Variants in SPOCK1 observed in about 807,000 individuals in gnomAD.
SPOCK1 encodes testican-1.
Under a neutral mutation model 55.3 loss-of-function variants are expected in SPOCK1, and 23 were observed. The ratio of observed to expected loss-of-function variants is 0.42; its 90% CI spans 0.30 to 0.59. The LOEUF (loss-of-function observed/expected upper bound fraction) is 0.59, where lower values mean the gene tolerates loss of function less well. SPOCK1 is among the 20% of genes least tolerant of loss of function. The pLI is 0.22. For missense variants in SPOCK1, 499 were observed against 552.5 expected, an observed-to-expected ratio of 0.90 and a Z score of 0.97; for synonymous variants, 226 against 221.0, an observed-to-expected ratio of 1.02 and a Z score of -0.20.
chr5:137,221,534 T>C (rs1258447434), intron 3 of SPOCK1, among the ~76,000 whole-genome samples: 1 of 152,142 alleles, frequency 6.6e-6, no homozygotes, highest in Non-Finnish European at 1.5e-5. Context: ...AAATTCCTAA[T>C]AACCGAGACC....
chr5:137,305,112 T>C lies in SPOCK1; in HGVS notation c.187-38057A>G, dbSNP rs141236718. Among the ~76,000 whole-genome samples, 4 of 152,344 alleles carry C rather than the reference T, an allele frequency of 2.6e-5. No homozygotes were observed. In the East Asian group the frequency reaches 7.7e-4, roughly 29 times the overall value. The stretch of plus-strand genomic sequence containing the variant: ...AATTACACTCATCATTCCAATTTTA[T>C]TAACCACCCTCGAATTTGCTGTAGC... On this transcript the variant is annotated intron_variant, in intron 2 of 10. Coordinates refer to ENST00000394945, the MANE Select transcript of SPOCK1 (RefSeq NM_004598.4).
chr5:137,149,235 T>C (rs796178762), intron 3 of SPOCK1, among the ~76,000 whole-genome samples: 2 of 152,280 alleles, frequency 1.3e-5, no homozygotes, highest in African/African-American at 4.8e-5. Flanking sequence ...GGGAGATGCA[T>C]GAAGCCCAGC....
rs530690673 is a variant in SPOCK1 at position 137,484,651 on chromosome 5, T to C, written c.186+13722A>G. ...CAACAAACATCAATGCCCTTTAAAA[T>C]ACATGTGCTGGCACACCAAGCATTG... On this transcript the variant is annotated intron_variant, in intron 2 of 10. Coordinates refer to ENST00000394945, the MANE Select transcript of SPOCK1 (RefSeq NM_004598.4). Among the ~76,000 whole-genome samples, 5 of 152,254 alleles carry C rather than the reference T, an allele frequency of 3.3e-5. No homozygotes were observed. In the South Asian group the frequency reaches 8.3e-4, roughly 25 times the overall value.
chr5:137,258,691 C>T (rs1365564280), intron 3 of SPOCK1, among the ~76,000 whole-genome samples: 1 of 152,128 alleles, frequency 6.6e-6, no homozygotes, highest in East Asian at 1.9e-4. Flanking sequence ...TCCTTTTATA[C>T]AACTAACACC....
rs550467843 is a variant in SPOCK1 at position 137,419,476 on chromosome 5, A to T, written c.186+78897T>A. 4.6e-5 allele frequency among the ~76,000 whole-genome samples: 7 copies of T among 152,116 alleles called. No homozygotes were observed. The East Asian group carries it at 1.2e-3, about 25-fold the overall frequency. ...TTTGCTTGTATCCTCTTTTATTTCA[A>T]TGAGCAGTGGTTTGTAGTTCTCCTT... On this transcript the variant is annotated intron_variant, in intron 2 of 10. Coordinates refer to ENST00000394945, the MANE Select transcript of SPOCK1 (RefSeq NM_004598.4).
intron 2 of SPOCK1, among the ~76,000 whole-genome samples, chr5:137,416,421 AT>A (rs1752329202): frequency 6.6e-6 from 1 of 152,178 alleles, no homozygotes; most frequent in African/African-American, 2.4e-5. Context: ...CATTAGTTAT[AT>A]ATATTAGCTG....
intron 3 of SPOCK1, among the ~76,000 whole-genome samples, chr5:137,214,727 T>C (rs537790088): frequency 2.0e-5 from 3 of 152,246 alleles, no homozygotes; most frequent in East Asian, 1.9e-4. Context: ...GAGCAAGAGA[T>C]AGTGGGGCCT....
Position 137,382,809 on chromosome 5 carries a change from G to A in SPOCK1, c.186+115564C>T, listed in dbSNP as rs572105209. Among the ~76,000 whole-genome samples the A allele has an allele frequency of 9.8e-5, 15 of 152,286 alleles. No individual in the cohort carries two copies. The South Asian group carries it at 2.9e-3, about 29-fold the overall frequency. ...AAATCCAAAACATATCACATGCCCA[G>A]GAGGACAGAGCATACAACATTACCC... is the stretch of plus-strand genomic sequence containing the variant. On this transcript the variant is annotated intron_variant, in intron 2 of 10. Transcript: ENST00000394945.
At chr5:137,309,071 G>T (rs13436758) in intron 2 of SPOCK1, among the ~76,000 whole-genome samples, 34,151 of 152,104 alleles carry the variant, frequency 0.22, 4,011 homozygotes, top group African/African-American at 0.29. Context: ...TCTGTAATGA[G>T]TAGGAATTGC....
rs960918046 is a variant in SPOCK1, at chr5:137,040,952, G to A, written c.589+26763C>T. 2.0e-5 allele frequency among the ~76,000 whole-genome samples: 3 copies of A among 152,156 alleles called. No individual in the cohort carries two copies. In the East Asian group the frequency reaches 5.8e-4, roughly 29 times the overall value. ...CTGTGTACTTGGCCAGCACTAGATT[G>A]CCCAGACAATGTACATGTATCAGGC... On this transcript the variant is annotated intron_variant, in intron 6 of 10. Coordinates refer to ENST00000394945, the MANE Select transcript of SPOCK1 (RefSeq NM_004598.4).
At chr5:136,984,916 C>A (rs906659454) in intron 9 of SPOCK1, among the ~76,000 whole-genome samples, 2 of 152,144 alleles carry the variant, frequency 1.3e-5, no homozygotes, top group African/African-American at 4.8e-5. Flanking sequence ...GGACTTCGGC[C>A]CTGGCTGACC....
At chr5:137,421,910 T>G (rs1752506996) in intron 2 of SPOCK1, among the ~76,000 whole-genome samples, 1 of 152,260 alleles carries the variant, frequency 6.6e-6, no homozygotes, top group African/African-American at 2.4e-5. Flanking sequence ...CTTTACAATT[T>G]GGCATGTTTT....
At chr5:137,100,878 A>AGG (rs1561609297) in intron 5 of SPOCK1, among the ~76,000 whole-genome samples, 3 of 150,638 alleles carry the variant, frequency 2.0e-5, no homozygotes, top group Non-Finnish European at 4.4e-5. Context: ...GAAAGGGGAA[A>AGG]AAAAAAAAAA....
intron 3 of SPOCK1, among the ~76,000 whole-genome samples, chr5:137,230,661 A>G (rs1358718020): frequency 6.6e-6 from 1 of 152,214 alleles, no homozygotes; most frequent in African/African-American, 2.4e-5. Context: ...TGAAAATATT[A>G]TAATAGGACC....
intron 4 of SPOCK1, among the ~76,000 whole-genome samples, chr5:137,112,791 G>A (rs1196780348): frequency 6.7e-6 from 1 of 148,956 alleles, no homozygotes; most frequent in Non-Finnish European, 1.5e-5. Flanking sequence ...GGAAAACAAT[G>A]TAGCCATTGA....
At chr5:137,140,251 G>C (rs1211267259) in intron 4 of SPOCK1, among the ~76,000 whole-genome samples, 1 of 152,158 alleles carries the variant, frequency 6.6e-6, no homozygotes, top group Non-Finnish European at 1.5e-5. Context: ...TTTCTTAGTT[G>C]TAAGTTTCCT....
intron 5 of SPOCK1, among the ~76,000 whole-genome samples, chr5:137,083,463 C>T (rs1752908430): frequency 6.6e-6 from 1 of 152,148 alleles, no homozygotes; most frequent in Admixed American, 6.5e-5. Context: ...ACCATGATGC[C>T]TCCCTCAATG....
intron 2 of SPOCK1, among the ~76,000 whole-genome samples, chr5:137,325,460 G>A (rs1417109726): frequency 6.6e-6 from 1 of 152,180 alleles, no homozygotes; most frequent in East Asian, 1.9e-4. Flanking sequence ...CTTCTCTTAA[G>A]TCACTGATGC....
At chr5:137,099,604 A>G in intron 5 of SPOCK1, among the ~76,000 whole-genome samples, 1 of 152,164 alleles carries the variant, frequency 6.6e-6, no homozygotes, top group Middle Eastern at 3.4e-3. Flanking sequence ...GTACACATAT[A>G]TATACACACA....
Sources: allele counts gnomAD v4.1 joint callset (sites outside exome capture counted in the v4.1 genomes callset), GRCh38; gene constraint gnomAD v4.1.1; transcripts MANE v1.5; gene names NCBI Gene and HGNC (gene_info 2026-07-23, HGNC 2026-07-21).